The following BLTP1 variants were observed in gnomAD, a reference collection of about 807,000 sequenced individuals.
BLTP1 encodes bridge-like lipid transfer protein family member 1, also known as fragile site-associated protein.
At chr4:122,291,510 T>A in the BLTP1 span, among the ~76,000 whole-genome samples, 1 of 152,360 alleles carries the variant, frequency 6.6e-6, no homozygotes, top group African/African-American at 2.4e-5. Context: ...TGTTAGGACA[T>A]TTTCTGTTAT....
At chr4:122,179,391 C>G in the BLTP1 span, among the ~76,000 whole-genome samples, 1 of 152,138 alleles carries the variant, frequency 6.6e-6, no homozygotes, top group Admixed American at 6.5e-5. Flanking sequence ...ATTTAGTTCA[C>G]CTGCATTAAT....
the BLTP1 span, among the ~76,000 whole-genome samples, chr4:122,181,500 G>A: frequency 6.6e-6 from 1 of 151,918 alleles, no homozygotes; most frequent in African/African-American, 2.4e-5. Context: ...TTGGTTAACT[G>A]CCAAGCATAT....
At chr4:122,235,366 T>A in the BLTP1 span, 8 of 984,710 alleles carry the variant, frequency 8.1e-6, no homozygotes, top group Non-Finnish European at 8.4e-6. Flanking sequence ...AAGGTAACAA[T>A]TGTTTCACCA....
At chr4:122,257,070 G>A in the BLTP1 span, 1 of 187,654 alleles carries the variant, frequency 5.3e-6, no homozygotes, top group Admixed American at 6.5e-5. Context: ...AGATTCTGTA[G>A]TCTACATTAT....
the BLTP1 span, chr4:122,224,611 C>T: frequency 6.2e-7 from 1 of 1,614,090 alleles, no homozygotes; most frequent in East Asian, 2.2e-5. Context: ...GAAGCGATTC[C>T]TTAGAATACG....
the BLTP1 span, chr4:122,153,057 C>T: frequency 2.0e-6 from 2 of 983,320 alleles, no homozygotes; most frequent in African/African-American, 1.8e-5. Flanking sequence ...TTGGTGCTTG[C>T]TGCACTGCAC....
the BLTP1 span, among the ~76,000 whole-genome samples, chr4:122,311,516 G>A: frequency 4.6e-5 from 7 of 152,166 alleles, no homozygotes; most frequent in South Asian, 2.1e-4. Flanking sequence ...CAAAGGTGAT[G>A]TGTATAGGGC....
chr4:122,257,375 C>A, the BLTP1 span: 1 of 1,614,080 alleles, frequency 6.2e-7, no homozygotes, highest in South Asian at 1.1e-5. Context: ...TAGACCAGCT[C>A]AGCCTCTGAA....
the BLTP1 span, chr4:122,336,342 G>T: frequency 1.2e-6 from 2 of 1,604,698 alleles, no homozygotes; most frequent in Non-Finnish European, 1.7e-6. Context: ...CCAGTTGAAA[G>T]GAATTATACA....
the BLTP1 span, chr4:122,227,531 T>C: frequency 1.1e-6 from 1 of 937,176 alleles, no homozygotes; most frequent in Non-Finnish European, 1.3e-6. Context: ...AAAAATAACT[T>C]ACCCTGGTTC....
chr4:122,322,092 T>A, the BLTP1 span, among the ~76,000 whole-genome samples: 2 of 147,738 alleles, frequency 1.4e-5, no homozygotes, highest in African/African-American at 5.0e-5. Context: ...GAGAAAACTC[T>A]CAGTCATTAT....
At chr4:122,249,155 T>A in the BLTP1 span, 5 of 705,338 alleles carry the variant, frequency 7.1e-6, no homozygotes, top group African/African-American at 1.9e-5. Flanking sequence ...ATTTTTTTTT[T>A]ATTTTGTGAG....
the BLTP1 span, chr4:122,273,385 T>A: frequency 1.0e-6 from 1 of 984,972 alleles, no homozygotes. Flanking sequence ...TTAGGTGGAC[T>A]GACTGCAAAT....
At chr4:122,181,031 T>C in the BLTP1 span, among the ~76,000 whole-genome samples, 7 of 152,216 alleles carry the variant, frequency 4.6e-5, no homozygotes, top group Middle Eastern at 3.2e-3. Context: ...TCCATATTCA[T>C]TTAAACATTA....
the BLTP1 span, chr4:122,190,624 T>A: frequency 2.2e-6 from 1 of 457,176 alleles, no homozygotes; most frequent in South Asian, 9.4e-5. Flanking sequence ...TTTTCATAGA[T>A]AAACCTCAAA....
chr4:122,186,207 A>G, the BLTP1 span: 2 of 1,611,140 alleles, frequency 1.2e-6, no homozygotes, highest in East Asian at 4.5e-5. Context: ...ACAAGAACCC[A>G]ATCGAAAATT....
the BLTP1 span, among the ~76,000 whole-genome samples, chr4:122,244,247 C>A: frequency 6.6e-6 from 1 of 152,040 alleles, no homozygotes; most frequent in Non-Finnish European, 1.5e-5. Flanking sequence ...ACTTTCTCAG[C>A]CTAAATAATT....
the BLTP1 span, chr4:122,337,212 T>C: frequency 3.6e-6 from 2 of 563,154 alleles, no homozygotes; most frequent in Non-Finnish European, 6.2e-6. Flanking sequence ...TATATACAGA[T>C]GCTCAAGTTA....
the BLTP1 span, chr4:122,182,942 A>G: frequency 3.1e-6 from 3 of 978,588 alleles, no homozygotes; most frequent in Non-Finnish European, 3.6e-6. Flanking sequence ...CACTTGGGTC[A>G]CTTATTCTTG....
Sources: allele counts gnomAD v4.1 joint callset (sites outside exome capture counted in the v4.1 genomes callset), GRCh38; gene constraint gnomAD v4.1.1; transcripts MANE v1.5; gene names NCBI Gene and HGNC (gene_info 2026-07-23, HGNC 2026-07-21).